AKR1C3: variants seen among roughly 807,000 people sequenced by gnomAD.
The protein encoded by AKR1C3 is 3-alpha hydroxysteroid dehydrogenase, type II.
A neutral mutation model predicts 43.6 loss-of-function variants in AKR1C3; 48 were observed. The observed-to-expected ratio is 1.10, with a 90% CI of 0.87 to 1.40. AKR1C3 has a LOEUF of 1.40. AKR1C3 is among the 40% of genes most tolerant of loss of function. AKR1C3 has a pLI of 0.00. For synonymous variants in AKR1C3, 162 were observed against 139.6 expected (o/e 1.16, Z -1.13); for missense variants, 482 against 391.2 (o/e 1.23, Z -1.96).
chr10:5,105,519 G>C (rs189734876), intron 7 of AKR1C3, 76 bp from the exon 8 acceptor site: 1 of 1,100,798 alleles, frequency 9.1e-7, no homozygotes, highest in African/African-American at 1.6e-5. Context: ...TATTGTCTCT[G>C]CACCCTACTG....
In AKR1C3 at chr10:5,105,779, T is replaced by G. The variant is rs1399327177; in HGVS notation, c.929+102T>G. 4.6e-6 allele frequency: 4 copies of G among 866,554 alleles called. No homozygotes were observed. The East Asian group carries it at 1.1e-4, about 23-fold the overall frequency. 53.7% of individuals were successfully genotyped at this position (866,554 alleles called of 1,614,324 possible). On this transcript the variant is annotated intron_variant, in intron 8 of 8. Transcript: ENST00000380554. ...CATACCAGAGGGACAGAGGCCAATGTGAGTCAGAGGTGAGACTGGAACTCT... is the reference window on the plus strand; with the variant it reads ...CATACCAGAGGGACAGAGGCCAATGGGAGTCAGAGGTGAGACTGGAACTCT...
chr10:5,063,765 C>CAAAAAAAAAAA (rs71391987), intron 1 of AKR1C3, among the ~76,000 whole-genome samples: 1,593 of 46,364 alleles, frequency 0.034, 278 homozygotes, highest in Non-Finnish European at 0.045. Context: ...TCTGTCTCAG[C>CAAAAAAAAAAA]AAAAAAAAAA....
chr10:5,103,024 G>T (rs991520155), intron 7 of AKR1C3, among the ~76,000 whole-genome samples: 2 of 150,708 alleles, frequency 1.3e-5, no homozygotes, highest in Non-Finnish European at 2.9e-5. Flanking sequence ...TGAGTAGCTG[G>T]GATTACAGGT....
At chr10:5,061,299 T>G (rs577200149) in intron 1 of AKR1C3, among the ~76,000 whole-genome samples, 1 of 152,246 alleles carries the variant, frequency 6.6e-6, no homozygotes, top group South Asian at 2.1e-4. Context: ...CAGGTATATA[T>G]CAGTGCATCT....
At chr10:5,063,121 A>G (rs1261333872) in intron 1 of AKR1C3, among the ~76,000 whole-genome samples, 3 of 152,188 alleles carry the variant, frequency 2.0e-5, no homozygotes, top group Non-Finnish European at 4.4e-5. Flanking sequence ...TGTATTTTTG[A>G]AATTTTGGAA....
chr10:5,068,304 A>T (rs575703138), intron 1 of AKR1C3, among the ~76,000 whole-genome samples: 1 of 152,292 alleles, frequency 6.6e-6, no homozygotes, highest in Non-Finnish European at 1.5e-5. Context: ...TGGTGATCCC[A>T]TGTACCTAAA....
chr10:5,080,291 C>T (rs1376125834), intron 1 of AKR1C3, among the ~76,000 whole-genome samples: 1 of 152,118 alleles, frequency 6.6e-6, no homozygotes, highest in African/African-American at 2.4e-5. Context: ...AGTATACTTA[C>T]TTGCATAATT....
At chr10:5,104,728 G>A (rs1487453841) in intron 7 of AKR1C3, among the ~76,000 whole-genome samples, 7 of 151,882 alleles carry the variant, frequency 4.6e-5, no homozygotes, top group Admixed American at 2.6e-4. Flanking sequence ...CTATTTAAAT[G>A]GCCTTTTAAT....
At chr10:5,063,769 A>AAAAAAAAAAAAAAAAAAAG in intron 1 of AKR1C3, among the ~76,000 whole-genome samples, 1 of 136,694 alleles carries the variant, frequency 7.3e-6, no homozygotes, top group African/African-American at 2.9e-5. Flanking sequence ...TCTCAGCAAA[A>AAAAAAAAAAAAAAAAAAAG]AAAAAAAAAA....
At chr10:5,092,112 A>G (rs1839104395), upstream of AKR1C3, among the ~76,000 whole-genome samples, 2 of 152,074 alleles carry the variant, frequency 1.3e-5, no homozygotes, top group South Asian at 2.1e-4. Context: ...TGTATTACCT[A>G]TTACATCCTT....
chr10:5,049,764 T>C (rs539270360), intron 1 of AKR1C3, among the ~76,000 whole-genome samples: 4 of 152,360 alleles, frequency 2.6e-5, no homozygotes, highest in East Asian at 3.9e-4. Flanking sequence ...AGAGGACTCA[T>C]AGGAGCTTGC....
At chr10:5,094,374 C>A, upstream of AKR1C3, 3 of 1,548,188 alleles carry the variant, frequency 1.9e-6, no homozygotes, top group Non-Finnish European at 2.6e-6. Context: ...GAGGGGTTTC[C>A]TGCCCATTGT....
At chr10:5,063,442 G>A (rs1427451547) in intron 1 of AKR1C3, among the ~76,000 whole-genome samples, 21 of 152,142 alleles carry the variant, frequency 1.4e-4, no homozygotes, top group African/African-American at 4.3e-4. Flanking sequence ...ATAACCTTAC[G>A]AAATGGTAGT....
chr10:5,081,711 ATTTTCTTCCCT>A (rs1554782371), intron 1 of AKR1C3: 1 of 26,520 alleles, frequency 3.8e-5, no homozygotes, highest in Non-Finnish European at 9.2e-5. Context: ...ATTACTCCCC[ATTTTCTTCCCT>A]CTCCTGTGTC....
At chr10:5,075,216 C>T (rs898090870) in intron 1 of AKR1C3, among the ~76,000 whole-genome samples, 1 of 151,834 alleles carries the variant, frequency 6.6e-6, no homozygotes, top group South Asian at 2.1e-4. Flanking sequence ...TTTTTATAAA[C>T]TTAGATGGTT....
rs146552480 is a variant in AKR1C3, at chr10:5,105,617, C to A, written c.869C>A (p.Ala290Glu). The A allele has an allele frequency of 6.2e-7, 1 of 1,613,938 alleles. No homozygotes were observed. Among genetic ancestry groups the A allele is most frequent in the South Asian group, 1.1e-5 (1 of 91,076 alleles). Reference protein sequence around the residue: ...NVQVFEFQLTAEDMKAIDGLD... With the variant: ...NVQVFEFQLTEEDMKAIDGLD... ...TAGGTTTTTGAGTTCCAGTTGACTG[C>A]AGAGGACATGAAAGCCATAGATGGC... Residue 290 changes from alanine (A) to glutamate (E), a missense_variant, in exon 8 of 9, where the codon GCA becomes GAA. Coordinates refer to ENST00000380554, the MANE Select transcript of AKR1C3 (RefSeq NM_003739.6).
chr10:5,080,537 T>C (rs1554782241), intron 1 of AKR1C3, among the ~76,000 whole-genome samples: 1 of 152,158 alleles, frequency 6.6e-6, no homozygotes, highest in Non-Finnish European at 1.5e-5. Context: ...GGCAGAAGAA[T>C]TGTTTGAACC....
Position 5,097,370 on chromosome 10 carries a change from CA to C in AKR1C3, c.253-63del, listed in dbSNP as rs1839230672. On this transcript the variant is annotated intron_variant, in intron 2 of 8. Coordinates refer to ENST00000380554, the MANE Select transcript of AKR1C3 (RefSeq NM_003739.6). ...AGGAAAATATCTAAATACTAGATGGCACAAAGTAATAAGATTTGCTCAAGCA... is the reference window on the plus strand; with the variant it reads ...AGGAAAATATCTAAATACTAGATGGCCAAAGTAATAAGATTTGCTCAAGCA... 4 of 1,577,464 alleles carry C rather than the reference CA, an allele frequency of 2.5e-6. No homozygotes were observed. The Admixed American group carries it at 7.3e-5, about 29-fold the overall frequency.
At chr10:5,058,698 G>A (rs577471927) in intron 1 of AKR1C3, among the ~76,000 whole-genome samples, 11 of 152,270 alleles carry the variant, frequency 7.2e-5, no homozygotes, top group African/African-American at 1.7e-4. Context: ...GAATACTTGC[G>A]CTCACCGACG....
Sources: allele counts gnomAD v4.1 joint callset (sites outside exome capture counted in the v4.1 genomes callset), GRCh38; gene constraint gnomAD v4.1.1; transcripts MANE v1.5; gene names NCBI Gene and HGNC (gene_info 2026-07-23, HGNC 2026-07-21).